Variants in USP6NL observed in about 807,000 individuals in gnomAD.
USP6NL encodes the protein USP6 N-terminal-like protein.
A neutral mutation model predicts 61.9 loss-of-function variants in USP6NL; 26 were observed. The observed-to-expected ratio is 0.42, with a 90% confidence interval of 0.31 to 0.58. The LOEUF is 0.58. Ranked by LOEUF, USP6NL falls within the 20% of genes least tolerant of loss-of-function variation. The probability of loss-of-function intolerance (pLI) is 0.16; values close to 1 mark genes in which losing one functional copy is unlikely to be tolerated. For missense variants in USP6NL, 1,114 were observed against 1,034.3 expected (o/e 1.08, Z -1.06); for synonymous variants, 432 against 390.1 (o/e 1.11, Z -1.27).
chr10:11,587,637 A>G lies in USP6NL; in HGVS notation c.4+9994T>C, dbSNP rs906069891. Among the ~76,000 whole-genome samples the G allele has an allele frequency of 6.6e-6, 1 of 152,214 alleles. No individual in the cohort carries two copies. ...AATCTCAATTTATGTACAAATAGCTATAGCTGTTTTATTATTATAAAATAA... is the reference window on the plus strand; with the variant it reads ...AATCTCAATTTATGTACAAATAGCTGTAGCTGTTTTATTATTATAAAATAA... On this transcript the variant is annotated intron_variant, in intron 2 of 14. Coordinates refer to ENST00000609104, the MANE Select transcript of USP6NL (RefSeq NM_014688.5). This position sits in a 1 kb window ranked among gnomAD's most constrained non-coding sequence, Gnocchi z 4.5.
intron 2 of USP6NL, among the ~76,000 whole-genome samples, chr10:11,536,185 C>A (rs1239477832): frequency 1.3e-5 from 2 of 152,136 alleles, no homozygotes; most frequent in Admixed American, 1.3e-4. Flanking sequence ...GAAATAGCAC[C>A]CTGGGAAAGC....
At position 11,528,051 on chromosome 10, in the gene USP6NL, T is replaced by C. The variant is rs745512410; in HGVS notation, c.5-484A>G. ...CTTTTAGTTCCCTTTATCAACAGCCTCAACTGCTATAACAATCTCCTAACC... is the reference window on the plus strand; with the variant it reads ...CTTTTAGTTCCCTTTATCAACAGCCCCAACTGCTATAACAATCTCCTAACC... On this transcript the variant is annotated intron_variant, in intron 2 of 14. Transcript: ENST00000609104. The surrounding 1 kb of genome is among the most constrained non-coding windows in gnomAD (Gnocchi z 4.6). Among the ~76,000 whole-genome samples, 1 of 151,984 alleles carries C rather than the reference T, an allele frequency of 6.6e-6. No homozygotes were observed. Among genetic ancestry groups the C allele is most frequent in the Middle Eastern group, 3.2e-3 (1 of 316 alleles).
At chr10:11,588,183 C>T (rs979373710) in intron 2 of USP6NL, among the ~76,000 whole-genome samples, 2 of 152,204 alleles carry the variant, frequency 1.3e-5, no homozygotes, top group Non-Finnish European at 2.9e-5. Context: ...ATCTGAGGAA[C>T]TATTCCAGAT....
chr10:11,495,720 T>G lies in USP6NL; in HGVS notation c.385-2492A>C, dbSNP rs1416416229. On this transcript the variant is annotated intron_variant, in intron 7 of 14. Transcript: ENST00000609104. The surrounding 1 kb of genome is among the most constrained non-coding windows in gnomAD (Gnocchi z 4.6). Reference sequence around the variant, plus strand: ...TTTTCTCTGAAGATATTAAAAATAGTTTTTTAGATTCTCTTCTTTACACTA... The same window carrying G: ...TTTTCTCTGAAGATATTAAAAATAGGTTTTTAGATTCTCTTCTTTACACTA... Among the ~76,000 whole-genome samples the G allele has an allele frequency of 6.6e-6, 1 of 152,226 alleles. No individual in the cohort carries two copies. The highest frequency in any genetic ancestry group is 1.5e-5 in the Non-Finnish European group (1 of 68,034).
chr10:11,532,075 A>T lies in USP6NL; in HGVS notation c.5-4508T>A. 2.4e-6 allele frequency: 2 copies of T among 849,270 alleles called. No homozygotes were observed. The highest frequency in any genetic ancestry group is 5.4e-5 in the East Asian group (2 of 37,084). 52.6% of individuals were successfully genotyped at this position (849,270 alleles called of 1,614,324 possible). On this transcript the variant is annotated intron_variant, in intron 2 of 14. Transcript: ENST00000609104. This position sits in a 1 kb window ranked among gnomAD's most constrained non-coding sequence, Gnocchi z 4.1. The stretch of plus-strand genomic sequence containing the variant: ...AATTCATACAAAGTTACTAAGGTTC[A>T]TTTCCAATAAAATAAAATTTACAGC...
Position 11,525,591 on chromosome 10 carries a change from G to A in USP6NL, c.73-123C>T. ...ATTACTAAAAATAAGAGCTGGAAGT[G>A]AGGCATTATGAGCCTTAACATTTTT... is the stretch of plus-strand genomic sequence containing the variant. On this transcript the variant is annotated intron_variant, in intron 3 of 14. Coordinates refer to ENST00000609104, the MANE Select transcript of USP6NL (RefSeq NM_014688.5). This position sits in a 1 kb window ranked among gnomAD's most constrained non-coding sequence, Gnocchi z 5.0. 2 of 807,292 alleles carry A rather than the reference G, an allele frequency of 2.5e-6. No individual in the cohort carries two copies. The highest frequency in any genetic ancestry group is 2.4e-5 in the South Asian group (1 of 42,104). 50.0% of individuals were successfully genotyped at this position (807,292 alleles called of 1,614,324 possible).
chr10:11,478,798 G>A lies in USP6NL; in HGVS notation c.1078+2972C>T, dbSNP rs1242718415. Among the ~76,000 whole-genome samples, 1 of 152,032 alleles carries A rather than the reference G, an allele frequency of 6.6e-6. No individual in the cohort carries two copies. Among genetic ancestry groups the A allele is most frequent in the African/African-American group, 2.4e-5 (1 of 41,408 alleles). ...CATGCACCTGTAGTCCCAGCTACCT[G>A]GGGAGACTGAGGTGGGAGGATCACT... On this transcript the variant is annotated intron_variant, in intron 14 of 14. Coordinates refer to ENST00000609104, the MANE Select transcript of USP6NL (RefSeq NM_014688.5). The surrounding 1 kb of genome is among the most constrained non-coding windows in gnomAD (Gnocchi z 6.8).
At chr10:11,566,122 A>C (rs1259565971) in intron 2 of USP6NL, among the ~76,000 whole-genome samples, 1 of 152,230 alleles carries the variant, frequency 6.6e-6, no homozygotes, top group African/African-American at 2.4e-5. Context: ...TGGGAAGGGC[A>C]GGCTGGACTC....
At chr10:11,542,052 T>C (rs1388684369) in intron 2 of USP6NL, among the ~76,000 whole-genome samples, 1 of 152,242 alleles carries the variant, frequency 6.6e-6, no homozygotes, top group African/African-American at 2.4e-5. Flanking sequence ...TCTCTATGGA[T>C]ACCTGAAAGT....
intron 2 of USP6NL, among the ~76,000 whole-genome samples, chr10:11,552,113 G>C (rs1836512168): frequency 6.6e-6 from 1 of 152,180 alleles, no homozygotes. Flanking sequence ...AAACATTGAA[G>C]TGACAGCCAT....
At chr10:11,554,154 G>A (rs61844573) in intron 2 of USP6NL, among the ~76,000 whole-genome samples, 10,716 of 152,246 alleles carry the variant, frequency 0.07, 524 homozygotes, top group South Asian at 0.19. Flanking sequence ...GGGTGCAAGA[G>A]AGCAGAGTAC....
In USP6NL at chr10:11,491,207, C is replaced by A. The variant is rs1833696328; in HGVS notation, c.495-327G>T. On this transcript the variant is annotated intron_variant, in intron 8 of 14. Transcript: ENST00000609104. This position sits in a 1 kb window ranked among gnomAD's most constrained non-coding sequence, Gnocchi z 4.7. ...TGGCTTGACAGAATGGTGGAATGGC[C>A]TTTTGAAGGCTCAGTGACATTGCCA... Among the ~76,000 whole-genome samples the A allele has an allele frequency of 6.6e-6, 1 of 152,136 alleles. No homozygotes were observed. The highest frequency in any genetic ancestry group is 2.4e-5 in the African/African-American group (1 of 41,412).
intron 4 of USP6NL, among the ~76,000 whole-genome samples, chr10:11,521,014 A>G (rs1835182954): frequency 6.6e-6 from 1 of 152,210 alleles, no homozygotes; most frequent in East Asian, 1.9e-4. Flanking sequence ...GGAAAGAGAG[A>G]GACCTTAACT....
At position 11,485,253 on chromosome 10, in the gene USP6NL, C is replaced by T. The variant is rs1315410338; in HGVS notation, c.760-19G>A. On this transcript the variant is annotated intron_variant, in intron 11 of 14. Coordinates refer to ENST00000609104, the MANE Select transcript of USP6NL (RefSeq NM_014688.5). This position sits in a 1 kb window ranked among gnomAD's most constrained non-coding sequence, Gnocchi z 4.8. Reference sequence around the variant, plus strand: ...GAGAATCCTGAAAAAACAAAGAGCTCACAATTTATGGATTGTAGCAAACTA... The same window carrying T: ...GAGAATCCTGAAAAAACAAAGAGCTTACAATTTATGGATTGTAGCAAACTA... 13 of 1,511,060 alleles carry T rather than the reference C, an allele frequency of 8.6e-6. No homozygotes were observed. The highest frequency in any genetic ancestry group is 1.1e-5 in the Non-Finnish European group (13 of 1,134,164). The allele number at this position is 1,511,060 out of a possible 1,614,324, so 93.6% of individuals were successfully genotyped here.
Position 11,464,375 on chromosome 10 carries a change from C to T in USP6NL, c.1079-526G>A, listed in dbSNP as rs980280734. Among the ~76,000 whole-genome samples, 13 of 152,292 alleles carry T rather than the reference C, an allele frequency of 8.5e-5. 1 individual carries two copies. Among genetic ancestry groups the T allele is most frequent in the East Asian group, 1.9e-4 (1 of 5,188 alleles). On this transcript the variant is annotated intron_variant, in intron 14 of 14. Transcript: ENST00000609104. ...TGGTACTCACTAGGCAGTCACTGCG[C>T]GCTGGCCACTGCTCAGAAAGCTGTA...
rs1249565911 is a variant in USP6NL, at chr10:11,482,674, A to G, written c.926-752T>C. Reference sequence around the variant, plus strand: ...TATATGTAAGCATTGTAATTTACTTAAACAGTCTTCTATTAATGGTCATTT... The same window carrying G: ...TATATGTAAGCATTGTAATTTACTTGAACAGTCTTCTATTAATGGTCATTT... On this transcript the variant is annotated intron_variant, in intron 13 of 14. Transcript: ENST00000609104. This position sits in a 1 kb window ranked among gnomAD's most constrained non-coding sequence, Gnocchi z 4.0. 4.6e-5 allele frequency among the ~76,000 whole-genome samples: 7 copies of G among 152,218 alleles called. No individual in the cohort carries two copies. Among genetic ancestry groups the G allele is most frequent in the Non-Finnish European group, 7.4e-5 (5 of 68,024 alleles).
rs1208999021 is a variant in USP6NL, at chr10:11,495,493, T to C, written c.385-2265A>G. On this transcript the variant is annotated intron_variant, in intron 7 of 14. Transcript: ENST00000609104. This position sits in a 1 kb window ranked among gnomAD's most constrained non-coding sequence, Gnocchi z 4.6. The stretch of plus-strand genomic sequence containing the variant: ...CTTATTATTACAGTCTGGGAACTCC[T>C]AGGCTATCATCTAATTTTCTTGTAT... Among the ~76,000 whole-genome samples the C allele has an allele frequency of 1.3e-5, 2 of 152,208 alleles. No homozygotes were observed. Among genetic ancestry groups the C allele is most frequent in the Non-Finnish European group, 2.9e-5 (2 of 68,022 alleles).
At chr10:11,475,340 G>A (rs927965137) in intron 14 of USP6NL, among the ~76,000 whole-genome samples, 10 of 151,338 alleles carry the variant, frequency 6.6e-5, no homozygotes, top group African/African-American at 2.4e-4. Flanking sequence ...GGGTGCGGTG[G>A]CTCACGCCTG....
Position 11,462,327 on chromosome 10 carries a change from G to A in USP6NL, c.*114C>T. 4.1e-6 allele frequency: 5 copies of A among 1,214,524 alleles called. No homozygotes were observed. Among genetic ancestry groups the A allele is most frequent in the Non-Finnish European group, 3.4e-6 (3 of 889,854 alleles). The allele number at this position is 1,214,524 out of a possible 1,614,324, so 75.2% of individuals were successfully genotyped here. A position where few individuals can be genotyped will look rare whatever the true frequency, so the allele number is the denominator to read the frequency against. ...CCTGTATTCTTACTACTAACAGACA[G>A]GAGAGATGTGCGAGTTGTTTACAAT... On this transcript the variant is annotated 3_prime_UTR_variant, in exon 15 of 15. Coordinates refer to ENST00000609104, the MANE Select transcript of USP6NL (RefSeq NM_014688.5).
Sources: allele counts gnomAD v4.1 joint callset (sites outside exome capture counted in the v4.1 genomes callset), GRCh38; gene constraint gnomAD v4.1.1; non-coding constraint Gnocchi (gnomAD v3.1); transcripts MANE v1.5; gene names NCBI Gene and HGNC (gene_info 2026-07-23, HGNC 2026-07-21).